The following AGBL1 variants were observed in gnomAD, a reference collection of about 807,000 sequenced individuals.
The protein encoded by AGBL1 is AGBL carboxypeptidase 1.
Under a neutral mutation model 118.9 loss-of-function variants are expected in AGBL1, and 130 were observed. That is an observed-to-expected ratio of 1.09 (90% confidence interval 0.95 to 1.26). The LOEUF (loss-of-function observed/expected upper bound fraction) is 1.26. Ranked by LOEUF, AGBL1 falls within the 50% of genes most tolerant of loss-of-function variation. The pLI, the probability that AGBL1 is intolerant of heterozygous loss-of-function variation, is 0.00. For missense variants in AGBL1, 1,584 were observed against 1,298.1 expected, an observed-to-expected ratio of 1.22 and a Z score of -3.38; for synonymous variants, 555 against 478.9, an observed-to-expected ratio of 1.16 and a Z score of -2.08.
At chr15:86,565,130 T>C (rs2083893206) in intron 21 of AGBL1, among the ~76,000 whole-genome samples, 1 of 152,234 alleles carries the variant, frequency 6.6e-6, no homozygotes, top group African/African-American at 2.4e-5. Flanking sequence ...TTCTCTCAAA[T>C]CGTCAAAGTC....
At chr15:86,683,143 G>A (rs967278222) in intron 22 of AGBL1, among the ~76,000 whole-genome samples, 1 of 152,056 alleles carries the variant, frequency 6.6e-6, no homozygotes, top group African/African-American at 2.4e-5. Context: ...GACAGATGGG[G>A]GGGCATTAAA....
chr15:86,605,107 A>C (rs1346191906), intron 21 of AGBL1, among the ~76,000 whole-genome samples: 1 of 151,856 alleles, frequency 6.6e-6, no homozygotes, highest in African/African-American at 2.4e-5. Context: ...CCTTTCTTTC[A>C]TATGTGGTAG....
At chr15:86,561,882 T>C (rs1465760033) in intron 21 of AGBL1, among the ~76,000 whole-genome samples, 5 of 152,162 alleles carry the variant, frequency 3.3e-5, no homozygotes, top group Non-Finnish European at 5.9e-5. Context: ...CCCTTGTAAA[T>C]TGGATTCCTA....
chr15:86,637,123 T>C (rs2085110339), intron 21 of AGBL1, among the ~76,000 whole-genome samples: 3 of 152,124 alleles, frequency 2.0e-5, no homozygotes, highest in Admixed American at 2.0e-4. Flanking sequence ...ATATATTTGG[T>C]ACCTGCCCTC....
intron 18 of AGBL1, among the ~76,000 whole-genome samples, chr15:86,514,594 G>T (rs184051770): frequency 1.3e-5 from 2 of 151,964 alleles, no homozygotes; most frequent in Admixed American, 1.3e-4. Flanking sequence ...TTTATTTATT[G>T]ATATGAATAT....
chr15:86,198,432 G>T (rs2077850110), intron 5 of AGBL1, among the ~76,000 whole-genome samples: 1 of 152,112 alleles, frequency 6.6e-6, no homozygotes, highest in Non-Finnish European at 1.5e-5. Flanking sequence ...GAAGCTGTTG[G>T]GATGGAGTGG....
intron 22 of AGBL1, among the ~76,000 whole-genome samples, chr15:86,696,470 G>A (rs1472834370): frequency 1.3e-5 from 2 of 151,588 alleles, no homozygotes; most frequent in Non-Finnish European, 2.9e-5. Flanking sequence ...GTCTATATGA[G>A]TCCTTATGTG....
rs141889428 is a variant in AGBL1 at position 86,402,699 on chromosome 15, C to T, written c.2555+5153C>T. On this transcript the variant is annotated intron_variant, in intron 18 of 22. Transcript: ENST00000614907. Reference sequence around the variant, plus strand: ...TTGCAATAATGAATAAAAGCAGACCCGTTTCCTTTTGTGGTGATGGTGATG... The same window carrying T: ...TTGCAATAATGAATAAAAGCAGACCTGTTTCCTTTTGTGGTGATGGTGATG... Among the ~76,000 whole-genome samples the T allele has an allele frequency of 4.7e-3, 722 of 152,150 alleles. 2 individuals carry two copies. Among genetic ancestry groups the T allele is most frequent in the African/African-American group, 0.017 (686 of 41,510 alleles).
chr15:86,816,378 G>A (rs780113175), intron 22 of AGBL1, among the ~76,000 whole-genome samples: 5 of 152,148 alleles, frequency 3.3e-5, no homozygotes, highest in African/African-American at 9.7e-5. Context: ...ATTTGCACCC[G>A]GCTATTTCCT....
rs117191852 is a variant in AGBL1 at position 86,968,856 on chromosome 15, C to T, written c.3222-19131C>T. 2.1e-3 allele frequency among the ~76,000 whole-genome samples: 324 copies of T among 151,860 alleles called. 1 individual carries two copies. In the East Asian group the frequency reaches 0.033, roughly 16 times the overall value. On this transcript the variant is annotated intron_variant, in intron 23 of 24. Coordinates refer to the AGBL1 transcript ENST00000441037. ...GGGCTTGTTACTCACAGATGGAGAC[C>T]CCTTGTAGCTTTCTCACATCGTGGA...
chr15:86,868,522 AACTAT>A (rs1256034696), intron 22 of AGBL1, among the ~76,000 whole-genome samples: 4 of 152,262 alleles, frequency 2.6e-5, no homozygotes, highest in Non-Finnish European at 5.9e-5. Context: ...GGACACATTC[AACTAT>A]CACATAATTC....
intron 5 of AGBL1, among the ~76,000 whole-genome samples, chr15:86,221,199 A>AAAAAAAT (rs766589008): frequency 6.6e-5 from 10 of 152,104 alleles, no homozygotes; most frequent in Non-Finnish European, 8.8e-5. Flanking sequence ...ACTCCATCAA[A>AAAAAAAT]AAAAAATAAA....
intron 23 of AGBL1, among the ~76,000 whole-genome samples, chr15:86,966,675 A>G (rs908605183): frequency 4.6e-5 from 7 of 152,026 alleles, no homozygotes; most frequent in African/African-American, 1.4e-4. Flanking sequence ...TTATGGCTGC[A>G]TAGTATTGCA....
chr15:86,829,321 A>G (rs1364214282), intron 22 of AGBL1, among the ~76,000 whole-genome samples: 1 of 152,184 alleles, frequency 6.6e-6, no homozygotes, highest in Non-Finnish European at 1.5e-5. Flanking sequence ...GAAAACCGCA[A>G]GGGTCAAGTG....
intron 18 of AGBL1, among the ~76,000 whole-genome samples, chr15:86,506,103 G>T (rs1423149174): frequency 6.6e-6 from 1 of 151,978 alleles, no homozygotes; most frequent in East Asian, 1.9e-4. Context: ...GGAACCTACT[G>T]TTGATGTCTG....
intron 1 of AGBL1, among the ~76,000 whole-genome samples, chr15:86,110,894 G>A (rs138823406): frequency 1.3e-5 from 2 of 152,300 alleles, no homozygotes; most frequent in South Asian, 2.1e-4. Context: ...CTCCAGCAGA[G>A]GTTTGTTTAG....
rs936116273 is a variant in AGBL1, at chr15:86,473,365, T to C, written c.2556-49445T>C. Among the ~76,000 whole-genome samples, 6 of 152,304 alleles carry C rather than the reference T, an allele frequency of 3.9e-5. No homozygotes were observed. In the Middle Eastern group the frequency reaches 0.01, roughly 259 times the overall value. The stretch of plus-strand genomic sequence containing the variant: ...TGGTCAGTTGTTAGGAAAATTTTTC[T>C]CTATTGATCTTTTTTTATCTATTAG... On this transcript the variant is annotated intron_variant, in intron 18 of 22. Coordinates refer to ENST00000614907, the MANE Select transcript of AGBL1 (RefSeq NM_001386094.1).
chr15:86,778,223 C>G (rs1271698665), intron 22 of AGBL1, among the ~76,000 whole-genome samples: 1 of 152,072 alleles, frequency 6.6e-6, no homozygotes, highest in Non-Finnish European at 1.5e-5. Context: ...AACAGAATAT[C>G]ACAAGGCAAA....
At chr15:86,463,277 T>C (rs1326882492) in intron 18 of AGBL1, among the ~76,000 whole-genome samples, 1 of 151,888 alleles carries the variant, frequency 6.6e-6, no homozygotes, top group South Asian at 2.1e-4. Context: ...CCACATTTGA[T>C]GGGGTTGTTT....
Sources: gnomAD v4.1 joint callset for allele counts (sites outside exome capture counted in the v4.1 genomes callset) on GRCh38, gnomAD v4.1.1 for gene constraint, MANE v1.5 for transcripts, NCBI Gene and HGNC (gene_info 2026-07-23, HGNC 2026-07-21) for gene names.